CAMSAP2: variants seen among roughly 807,000 people sequenced by gnomAD.
The protein encoded by CAMSAP2 is calmodulin regulated spectrin associated protein family member 2, also known as calmodulin-regulated spectrin-associated protein 2.
In CAMSAP2, 26 loss-of-function variants were observed where a neutral mutation model predicts 146.1. That is an observed-to-expected ratio of 0.18 (90% CI 0.13 to 0.25). The LOEUF (loss-of-function observed/expected upper bound fraction) is 0.25, where lower values mean the gene tolerates loss of function less well. CAMSAP2 is among the 10% of genes least tolerant of loss of function. The pLI is 1.00. For synonymous variants in CAMSAP2, 499 were observed against 596.6 expected, an observed-to-expected ratio of 0.84 and a Z score of 2.38; for missense variants, 1,381 against 1,759.3, an observed-to-expected ratio of 0.78 and a Z score of 3.85.
intron 7 of CAMSAP2, among the ~76,000 whole-genome samples, 183 bp from the exon 8 acceptor site, chr1:200,844,599 C>G (rs1264628083): frequency 1.3e-5 from 2 of 151,956 alleles, no homozygotes; most frequent in African/African-American, 4.8e-5. Flanking sequence ...CTGAATACTT[C>G]AAAAAGATCT....
intron 14 of CAMSAP2, 88 bp from the exon 15 acceptor site, chr1:200,855,922 T>A (rs1030619412): frequency 2.3e-6 from 2 of 857,518 alleles, no homozygotes; most frequent in South Asian, 3.3e-5. Context: ...GGCCTTTAGG[T>A]TGATTTTGAT....
intron 1 of CAMSAP2, among the ~76,000 whole-genome samples, chr1:200,741,186 A>G (rs1348361830): frequency 6.6e-6 from 1 of 152,196 alleles, no homozygotes; most frequent in African/African-American, 2.4e-5. Context: ...TTTTGGGGAA[A>G]CTTGACATTG....
At position 200,836,612 on chromosome 1, in the gene CAMSAP2, T is replaced by C. The variant is rs143314343; in HGVS notation, c.927+3767T>C. 7.4e-3 allele frequency among the ~76,000 whole-genome samples: 1,130 copies of C among 152,294 alleles called. 6 individuals are homozygous for C. The highest frequency in any genetic ancestry group is 0.011 in the Non-Finnish European group (716 of 68,020). On this transcript the variant is annotated intron_variant, in intron 6 of 16. Transcript: ENST00000358823. ...TGTTCCTTTGGGATATACCCAGTAA[T>C]GGGATTGCTGGGTTCAGTAGTATTT...
chr1:200,828,521 A>G (rs1333210813), intron 4 of CAMSAP2: 2 of 1,530,842 alleles, frequency 1.3e-6, no homozygotes, highest in Non-Finnish European at 1.8e-6. Context: ...ATTCTGATGA[A>G]TTTTCCCTTT....
intron 2 of CAMSAP2, among the ~76,000 whole-genome samples, chr1:200,763,276 C>T (rs1469787368): frequency 6.6e-6 from 1 of 152,138 alleles, no homozygotes; most frequent in Non-Finnish European, 1.5e-5. Context: ...TGGTAGCTCA[C>T]GCCTGTAATC....
At position 200,858,216 on chromosome 1, in the gene CAMSAP2, T is replaced by A; in HGVS notation, c.*157T>A. 1.2e-5 allele frequency: 7 copies of A among 597,960 alleles called. 1 individual carries two copies. In the South Asian group the frequency reaches 1.7e-4, roughly 15 times the overall value. 37.0% of individuals were successfully genotyped at this position (597,960 alleles called of 1,614,324 possible). On this transcript the variant is annotated 3_prime_UTR_variant, in exon 17 of 17. Coordinates refer to ENST00000358823, the MANE Select transcript of CAMSAP2 (RefSeq NM_203459.4). ...AACAACTGGAATGTAAACCACAGTA[T>A]TTTGGAGTGCAGAACATTCTCAATT... is the stretch of plus-strand genomic sequence containing the variant.
intron 1 of CAMSAP2, among the ~76,000 whole-genome samples, chr1:200,745,372 C>T (rs1390977427): frequency 6.6e-6 from 1 of 151,772 alleles, no homozygotes; most frequent in Non-Finnish European, 1.5e-5. Flanking sequence ...ATAAGACACA[C>T]TATTGTGATC....
chr1:200,807,304 C>T (rs553072504), intron 2 of CAMSAP2, 72 bp from the exon 3 acceptor site: 39 of 1,195,624 alleles, frequency 3.3e-5, no homozygotes, highest in Non-Finnish European at 3.9e-5. Flanking sequence ...ATGTCATTAA[C>T]ATTTCAAAAT....
At chr1:200,814,322 T>A (rs966481440) in intron 3 of CAMSAP2, among the ~76,000 whole-genome samples, 1 of 152,080 alleles carries the variant, frequency 6.6e-6, no homozygotes, top group South Asian at 2.1e-4. Context: ...ATAGAAAATA[T>A]GGGGCTGGGC....
Position 200,848,872 on chromosome 1 carries a change from T to C in CAMSAP2, c.2103T>C (p.Asp701=), listed in dbSNP as rs372945796. The C allele has an allele frequency of 1.3e-5, 21 of 1,613,992 alleles. No individual in the cohort carries two copies. The Middle Eastern group carries it at 6.6e-4, about 51-fold the overall frequency. Residue 701 remains aspartate, a synonymous_variant, in exon 11 of 17, where the codon GAT becomes GAC. Coordinates refer to ENST00000358823, the MANE Select transcript of CAMSAP2 (RefSeq NM_203459.4). The stretch of plus-strand genomic sequence containing the variant: ...AATTCAGGAAACTGAATCATACCGA[T>C]GGAAAAAGTAGTGGAAGCAGTTCTC... ...EQKFRKLNHT[D]GKSSGSSSQK...
chr1:200,753,011 C>T (rs2102993588), intron 1 of CAMSAP2, among the ~76,000 whole-genome samples: 1 of 152,050 alleles, frequency 6.6e-6, no homozygotes, highest in South Asian at 2.1e-4. Flanking sequence ...GATAGAGCAC[C>T]AGCCTGGGTG....
At chr1:200,817,166 G>A (rs1264499796) in intron 4 of CAMSAP2, among the ~76,000 whole-genome samples, 161 of 72,256 alleles carry the variant, frequency 2.2e-3, no homozygotes, top group African/African-American at 0.011. Context: ...ATACACACAC[G>A]TGTGTGTATA....
intron 7 of CAMSAP2, among the ~76,000 whole-genome samples, chr1:200,843,921 G>C (rs1667391979): frequency 6.6e-6 from 1 of 151,850 alleles, no homozygotes; most frequent in South Asian, 2.1e-4. Context: ...GCCCAGGCTG[G>C]AGTGCAGTGG....
chr1:200,743,631 C>G (rs1015007229), intron 1 of CAMSAP2, among the ~76,000 whole-genome samples: 1 of 151,454 alleles, frequency 6.6e-6, no homozygotes, highest in African/African-American at 2.4e-5. Context: ...TGGTAGGGGG[C>G]GGGTATGATA....
chr1:200,789,159 T>G (rs1665678465), intron 2 of CAMSAP2, among the ~76,000 whole-genome samples: 2 of 152,202 alleles, frequency 1.3e-5, no homozygotes, highest in Non-Finnish European at 2.9e-5. Flanking sequence ...CTTGACACCC[T>G]TCCGCAGTGC....
Position 200,857,271 on chromosome 1 carries a change from T to C in CAMSAP2, c.4013-35T>C. 7.7e-7 allele frequency: 1 copy of C among 1,295,894 alleles called. No homozygotes were observed. Among genetic ancestry groups the C allele is most frequent in the Non-Finnish European group, 1.1e-6 (1 of 895,958 alleles). The allele number at this position is 1,295,894 out of a possible 1,614,324, so 80.3% of individuals were successfully genotyped here. A position where few individuals can be genotyped will look rare whatever the true frequency, so the allele number is the denominator to read the frequency against. ...TAGTAGTATTTCTGACTTAGGAATG[T>C]TATTTTTATTATTGTTGTTAAATCC... On this transcript the variant is annotated intron_variant, in intron 15 of 16. Transcript: ENST00000358823. This position sits in a 1 kb window ranked among gnomAD's most constrained non-coding sequence, Gnocchi z 4.7.
chr1:200,762,475 T>A (rs1259407936), intron 2 of CAMSAP2, among the ~76,000 whole-genome samples: 3 of 152,188 alleles, frequency 2.0e-5, no homozygotes, highest in African/African-American at 4.8e-5. Context: ...TAGGTCCTTA[T>A]CAGTGTCTCA....
chr1:200,848,677 G>A lies in CAMSAP2; in HGVS notation c.1908G>A (p.Leu636=), dbSNP rs1472896920. The A allele has an allele frequency of 6.2e-7, 1 of 1,613,976 alleles. No homozygotes were observed. Among genetic ancestry groups the A allele is most frequent in the Non-Finnish European group, 8.5e-7 (1 of 1,179,990 alleles). Residue 636 remains leucine, a synonymous_variant, in exon 11 of 17, where the codon TTG becomes TTA. Coordinates refer to ENST00000358823, the MANE Select transcript of CAMSAP2 (RefSeq NM_203459.4). Reference sequence around the variant, plus strand: ...CGTTGAGAGATTATACTGTAAGCTTGGACTCTGACATGGATGATGCATCTA... The same window carrying A: ...CGTTGAGAGATTATACTGTAAGCTTAGACTCTGACATGGATGATGCATCTA... The part of the protein sequence containing the change: ...DSSLRDYTVS[L]DSDMDDASKF...
At chr1:200,787,439 G>A (rs1665625342) in intron 2 of CAMSAP2, among the ~76,000 whole-genome samples, 1 of 152,154 alleles carries the variant, frequency 6.6e-6, no homozygotes, top group South Asian at 2.1e-4. Flanking sequence ...GGTAGAAATA[G>A]GAAGAGAACT....
Sources: allele counts gnomAD v4.1 joint callset (sites outside exome capture counted in the v4.1 genomes callset), GRCh38; gene constraint gnomAD v4.1.1; non-coding constraint Gnocchi (gnomAD v3.1); transcripts MANE v1.5; gene names NCBI Gene and HGNC (gene_info 2026-07-23, HGNC 2026-07-21).